PANX3: variants seen among roughly 807,000 people sequenced by gnomAD.
The protein encoded by PANX3 is pannexin-3.
In PANX3, 18 loss-of-function variants were observed where a neutral mutation model predicts 31.5. The ratio of observed to expected loss-of-function variants is 0.57; its 90% CI spans 0.39 to 0.85. The LOEUF (loss-of-function observed/expected upper bound fraction) is 0.85. PANX3 is among the 40% of genes least tolerant of loss of function. PANX3 has a pLI of 0.00. For missense variants in PANX3, 426 were observed against 485.4 expected (o/e 0.88, Z 1.15); for synonymous variants, 194 against 201.6 (o/e 0.96, Z 0.32).
chr11:124,613,235 GTCACTTACTT>G, intron 2 of PANX3, 113 bp downstream of exon 2: 1 of 1,289,508 alleles, frequency 7.8e-7, no homozygotes, highest in Non-Finnish European at 1.0e-6. Context: ...ATTTATTTTG[GTCACTTACTT>G]TCATGTTTCA....
intron 2 of PANX3, among the ~76,000 whole-genome samples, chr11:124,614,670 CTTTTTTTTTTTT>C (rs138365917): frequency 9.4e-5 from 9 of 95,328 alleles, no homozygotes; most frequent in Admixed American, 8.6e-4. Flanking sequence ...AACGCCCTTT[CTTTTTTTTTTTT>C]TTTTTTTTTT....
intron 3 of PANX3, among the ~76,000 whole-genome samples, chr11:124,617,974 T>G (rs895856791): frequency 1.3e-5 from 2 of 152,256 alleles, no homozygotes; most frequent in Admixed American, 1.3e-4. Flanking sequence ...TGGGTGCTTC[T>G]GATACATTCA....
rs1863109089 is a variant in PANX3, at chr11:124,612,974, T to C, written c.182-6T>C. 1.2e-6 allele frequency: 2 copies of C among 1,613,738 alleles called. No homozygotes were observed. The highest frequency in any genetic ancestry group is 1.7e-5 in the Admixed American group (1 of 59,988). On this transcript the variant is annotated splice_region_variant and splice_polypyrimidine_tract_variant and intron_variant, in intron 1 of 3. Coordinates refer to ENST00000284288, the MANE Select transcript of PANX3 (RefSeq NM_052959.3). ...AGGCGGCCTCAAAGCTGTGTTCCTG[T>C]TGCAGGGTCTCCGATCAGCTGCTTC... is the stretch of plus-strand genomic sequence containing the variant.
intron 3 of PANX3, among the ~76,000 whole-genome samples, chr11:124,617,879 C>T (rs975060852): frequency 2.6e-5 from 4 of 152,252 alleles, no homozygotes; most frequent in African/African-American, 9.6e-5. Context: ...AAACCTTCCA[C>T]CACACTTAGG....
chr11:124,618,402 GT>G (rs1303391662), intron 3 of PANX3, among the ~76,000 whole-genome samples: 1 of 152,132 alleles, frequency 6.6e-6, no homozygotes, highest in Non-Finnish European at 1.5e-5. Context: ...AGCCACTGTG[GT>G]TTGTGTCCAC....
Position 124,619,347 on chromosome 11 carries a change from A to G in PANX3, c.591A>G (p.Ala197=). The change falls in exon 4 of 4, where the codon GCA becomes GCG. Residue 197 remains alanine (A), a synonymous_variant. Transcript: ENST00000284288. ...FEFPLLERYL[A]CKQRSHSLVA... ...TCCCTTTGCTAGAGCGGTACCTGGC[A>G]TGTAAGCAGCGTTCACATTCGCTAG... 1 of 1,614,162 alleles carries G rather than the reference A, an allele frequency of 6.2e-7. No homozygotes were observed. Among genetic ancestry groups the G allele is most frequent in the Non-Finnish European group, 8.5e-7 (1 of 1,180,028 alleles).
chr11:124,620,154 G>A lies in PANX3; in HGVS notation c.*219G>A, dbSNP rs1335385357. On this transcript the variant is annotated 3_prime_UTR_variant, in exon 4 of 4. Coordinates refer to ENST00000284288, the MANE Select transcript of PANX3 (RefSeq NM_052959.3). ...AAAGCTGGAGCCGAAGAGTCAAAGA[G>A]CTAAAAAATTAAGTCTAGAACATTC... 1 of 560,520 alleles carries A rather than the reference G, an allele frequency of 1.8e-6. No individual in the cohort carries two copies. The highest frequency in any genetic ancestry group is 3.0e-6 in the Non-Finnish European group (1 of 331,086). The allele number at this position is 560,520 out of a possible 1,614,324, so 34.7% of individuals were successfully genotyped here.
intron 1 of PANX3, 115 bp from the exon 2 acceptor site, chr11:124,612,865 G>T: frequency 7.6e-7 from 1 of 1,309,430 alleles, no homozygotes. Context: ...CTAAGGTGTG[G>T]GAAGAAGACA....
At chr11:124,617,547 T>C in intron 3 of PANX3, 59 bp downstream of exon 3, 1 of 1,531,300 alleles carries the variant, frequency 6.5e-7, no homozygotes, top group Non-Finnish European at 9.0e-7. Context: ...AATGATAACT[T>C]TGCATAGTCA....
chr11:124,619,270 C>A (rs369106268), intron 3 of PANX3, 26 bp from the exon 4 acceptor site: 62 of 1,597,170 alleles, frequency 3.9e-5, no homozygotes, highest in Non-Finnish European at 5.2e-5. Flanking sequence ...CACTACTAAC[C>A]TTGCCTCCTT....
chr11:124,617,478 G>C lies in PANX3; in HGVS notation c.529G>C (p.Glu177Gln). The change falls in exon 3 of 4, where the codon GAG becomes CAG. Residue 177 changes from glutamate to glutamine, a missense_variant. Coordinates refer to ENST00000284288, the MANE Select transcript of PANX3 (RefSeq NM_052959.3). Reference protein sequence around the residue: ...KSSDPYVFWNELEKARKERYF... With the variant: ...KSSDPYVFWNQLEKARKERYF... ...TTCCGACCCCTATGTGTTCTGGAAT[G>C]AGCTGGAGAAGTGAGTTGTCTCTTC... The C allele has an allele frequency of 1.2e-6, 2 of 1,614,204 alleles. No homozygotes were observed.
chr11:124,615,769 T>C (rs988529309), intron 2 of PANX3, among the ~76,000 whole-genome samples: 21 of 152,184 alleles, frequency 1.4e-4, no homozygotes, highest in African/African-American at 5.1e-4. Flanking sequence ...CCCAGCACTT[T>C]AGGAGGCCAA....
chr11:124,611,625 C>T lies in PANX3; in HGVS notation c.69C>T (p.Pro23=), dbSNP rs267602762. 1 of 1,614,186 alleles carries T rather than the reference C, an allele frequency of 6.2e-7. No individual in the cohort carries two copies. Among genetic ancestry groups the T allele is most frequent in the Admixed American group, 1.7e-5 (1 of 60,032 alleles). The stretch of plus-strand genomic sequence containing the variant: ...CCCTGCTGCCTGACCGCAGGGGACC[C>T]CGCCTCAAAGGACTGCGTCTGGAAC... ...SDALLPDRRG[P]RLKGLRLELP... The change falls in exon 1 of 4, where the codon CCC becomes CCT. Residue 23 remains proline, a synonymous_variant. Coordinates refer to ENST00000284288, the MANE Select transcript of PANX3 (RefSeq NM_052959.3).
At chr11:124,612,925 G>A (rs1863108579) in intron 1 of PANX3, 55 bp from the exon 2 acceptor site, 2 of 1,597,570 alleles carry the variant, frequency 1.3e-6, no homozygotes, top group Non-Finnish European at 1.7e-6. Flanking sequence ...TTGCCCCTGA[G>A]TCCCCACTCC....
At chr11:124,618,648 A>G (rs1197850141) in intron 3 of PANX3, among the ~76,000 whole-genome samples, 1 of 151,312 alleles carries the variant, frequency 6.6e-6, no homozygotes, top group African/African-American at 2.4e-5. Flanking sequence ...CTTTTTTTGG[A>G]GTGGGGGGGT....
At chr11:124,613,234 G>C (rs1565394349) in intron 2 of PANX3, 112 bp downstream of exon 2, 4 of 1,296,134 alleles carry the variant, frequency 3.1e-6, no homozygotes, top group East Asian at 2.6e-5. Context: ...CATTTATTTT[G>C]GTCACTTACT....
chr11:124,611,541 C>T lies in PANX3; in HGVS notation c.-16C>T. 6.3e-7 allele frequency: 1 copy of T among 1,593,712 alleles called. No homozygotes were observed. Among genetic ancestry groups the T allele is most frequent in the Non-Finnish European group, 8.6e-7 (1 of 1,166,288 alleles). On this transcript the variant is annotated 5_prime_UTR_variant, in exon 1 of 4. Coordinates refer to ENST00000284288, the MANE Select transcript of PANX3 (RefSeq NM_052959.3). ...ACCCCTGCTGCCACCTCTGCACCCC[C>T]AAGCTCAGCAGCATCATGTCACTTG... is the stretch of plus-strand genomic sequence containing the variant.
chr11:124,617,346 G>T lies in PANX3; in HGVS notation c.397G>T (p.Val133Leu). 1 of 1,612,890 alleles carries T rather than the reference G, an allele frequency of 6.2e-7. No individual in the cohort carries two copies. The highest frequency in any genetic ancestry group is 8.5e-7 in the Non-Finnish European group (1 of 1,180,040). The change falls in exon 3 of 4, where the codon GTG (valine) becomes TTG (leucine). Residue 133 changes from valine (V) to leucine (L), a missense_variant. By Grantham distance (32) the Val-to-Leu change is conservative. Transcript: ENST00000284288. ...LPVLLWQYAA[V>L]PALSSDLLFI... ...GGTGCTGCTGTGGCAGTATGCAGCT[G>T]TGCCAGCCCTCAGCTCCGATCTGCT...
At chr11:124,618,848 G>C (rs1863182041) in intron 3 of PANX3, among the ~76,000 whole-genome samples, 1 of 152,152 alleles carries the variant, frequency 6.6e-6, no homozygotes, top group Admixed American at 6.5e-5. Context: ...GTCTTACTGT[G>C]TTTCCCATGG....
Sources: allele counts gnomAD v4.1 joint callset (sites outside exome capture counted in the v4.1 genomes callset), GRCh38; gene constraint gnomAD v4.1.1; transcripts MANE v1.5; gene names NCBI Gene and HGNC (gene_info 2026-07-23, HGNC 2026-07-21).